RCBTB1: variants seen among roughly 807,000 people sequenced by gnomAD.
RCBTB1 encodes the protein RCC1 and BTB domain-containing protein 1.
RCBTB1 carries 46 observed loss-of-function variants against 62.4 expected under a neutral mutation model. The observed-to-expected ratio is 0.74, with a 90% CI of 0.58 to 0.94. The LOEUF is 0.94. Ranked by LOEUF, RCBTB1 falls within the 40% of genes least tolerant of loss-of-function variation. The probability of loss-of-function intolerance (pLI) is 0.00; values close to 1 mark genes in which losing one functional copy is unlikely to be tolerated. For synonymous variants in RCBTB1, 222 were observed against 245.8 expected (o/e 0.90, Z 0.91); for missense variants, 565 against 654.9 (o/e 0.86, Z 1.50).
At chr13:49,547,256 A>C in intron 9 of RCBTB1, 1 of 1,106,784 alleles carries the variant, frequency 9.0e-7, no homozygotes. Context: ...GTTTCACTTT[A>C]AGGCAAGCTT....
At chr13:49,547,996 C>T (rs1228240902) in intron 9 of RCBTB1, among the ~76,000 whole-genome samples, 1 of 152,088 alleles carries the variant, frequency 6.6e-6, no homozygotes, top group Non-Finnish European at 1.5e-5. Flanking sequence ...CCAGGCTGGT[C>T]TAAAACTCCT....
chr13:49,571,072 C>T (rs1226275433), intron 2 of RCBTB1, among the ~76,000 whole-genome samples: 1 of 152,122 alleles, frequency 6.6e-6, no homozygotes, highest in South Asian at 2.1e-4. Flanking sequence ...CCAGGCCGGG[C>T]GGGGTAGCTC....
intron 5 of RCBTB1, among the ~76,000 whole-genome samples, chr13:49,556,317 A>T (rs941162534): frequency 1.3e-5 from 2 of 151,446 alleles, no homozygotes; most frequent in African/African-American, 4.9e-5. Context: ...CTACCTCCCA[A>T]GTAGCTGGGA....
intron 2 of RCBTB1, among the ~76,000 whole-genome samples, chr13:49,576,391 C>G (rs537414585): frequency 3.5e-4 from 53 of 152,070 alleles, no homozygotes; most frequent in African/African-American, 1.1e-3. Context: ...TTTATCAAGA[C>G]TGCATTAATA....
At position 49,533,945 on chromosome 13, in the gene RCBTB1, C is replaced by T. The variant is rs1164751082; in HGVS notation, c.*177G>A. 5 of 526,406 alleles carry T rather than the reference C, an allele frequency of 9.5e-6. No homozygotes were observed. The highest frequency in any genetic ancestry group is 9.1e-5 in the Admixed American group (3 of 32,846). 32.6% of individuals were successfully genotyped at this position (526,406 alleles called of 1,614,324 possible). On this transcript the variant is annotated 3_prime_UTR_variant, in exon 13 of 13. Transcript: ENST00000378302. ...GGAAACAAGGGTTGTTTAAAATGGG[C>T]TCAAGAAAAGCCGTACACCCTTGTT...
chr13:49,538,819 T>C (rs1454084720), intron 12 of RCBTB1, among the ~76,000 whole-genome samples: 1 of 146,912 alleles, frequency 6.8e-6, no homozygotes, highest in Non-Finnish European at 1.5e-5. Context: ...TTTCTTTTTG[T>C]CTTCTTTCTA....
rs1384445064 is a variant in RCBTB1 at position 49,544,724 on chromosome 13, C to A, written c.1172+13G>T. The A allele has an allele frequency of 5.0e-6, 8 of 1,606,348 alleles. No homozygotes were observed. In the African/African-American group the frequency reaches 5.4e-5, roughly 11 times the overall value. Reference sequence around the variant, plus strand: ...GTCAAGTTATTGATGTCTCTGAGCTCATGCAAAAATACCTGATTTTCAAAA... The same window carrying A: ...GTCAAGTTATTGATGTCTCTGAGCTAATGCAAAAATACCTGATTTTCAAAA... On this transcript the variant is annotated intron_variant, in intron 10 of 12. Coordinates refer to ENST00000378302, the MANE Select transcript of RCBTB1 (RefSeq NM_018191.4).
At chr13:49,546,132 C>A in intron 9 of RCBTB1, 2 of 985,314 alleles carry the variant, frequency 2.0e-6, no homozygotes, top group Non-Finnish European at 2.4e-6. Flanking sequence ...TAGATTGCTA[C>A]CCCCACCCAT....
chr13:49,575,542 T>C (rs1963718693), intron 2 of RCBTB1, among the ~76,000 whole-genome samples: 1 of 151,846 alleles, frequency 6.6e-6, no homozygotes, highest in African/African-American at 2.4e-5. Flanking sequence ...AAAGAAAATG[T>C]GGTATATATA....
rs535249582 is a variant in RCBTB1 at position 49,550,709 on chromosome 13, C to G, written c.854+617G>C. Among the ~76,000 whole-genome samples, 4 of 152,280 alleles carry G rather than the reference C, an allele frequency of 2.6e-5. No individual in the cohort carries two copies. In the East Asian group the frequency reaches 7.7e-4, roughly 29 times the overall value. ...CAACAGCAAGACTGCAGTAATTATA[C>G]CAAGATGCATTCACACCTATCAATC... is the stretch of plus-strand genomic sequence containing the variant. On this transcript the variant is annotated intron_variant, in intron 8 of 12. Coordinates refer to ENST00000378302, the MANE Select transcript of RCBTB1 (RefSeq NM_018191.4).
chr13:49,558,835 G>A (rs976881827), intron 5 of RCBTB1, among the ~76,000 whole-genome samples: 1 of 152,124 alleles, frequency 6.6e-6, no homozygotes, highest in Non-Finnish European at 1.5e-5. Context: ...AGTAGGAGGT[G>A]CCCCTTGTAA....
At chr13:49,563,011 G>A (rs1186974387) in intron 4 of RCBTB1, among the ~76,000 whole-genome samples, 1 of 150,202 alleles carries the variant, frequency 6.7e-6, no homozygotes, top group Non-Finnish European at 1.5e-5. Context: ...CCAGAGTACA[G>A]AATCATGATT....
Position 49,560,077 on chromosome 13 carries a change from C to T in RCBTB1, c.285G>A (p.Val95=). The T allele has an allele frequency of 3.7e-6, 6 of 1,613,330 alleles. No individual in the cohort carries two copies. The highest frequency in any genetic ancestry group is 5.1e-6 in the Non-Finnish European group (6 of 1,179,774). ...PHVLLSTEDG[V]VYAWGHNGYS... is the part of the protein sequence containing the mutation. The stretch of plus-strand genomic sequence containing the variant: ...ATCCATTGTGGCCCCAGGCATAAAC[C>T]ACTCCATCTGTGCACACAAAGCACA... The change falls in exon 5 of 13, where the codon GTG becomes GTA. Residue 95 remains valine, a synonymous_variant. Coordinates refer to ENST00000378302, the MANE Select transcript of RCBTB1 (RefSeq NM_018191.4).
At chr13:49,536,992 C>T (rs1487023641) in intron 12 of RCBTB1, among the ~76,000 whole-genome samples, 3 of 152,096 alleles carry the variant, frequency 2.0e-5, no homozygotes, top group Non-Finnish European at 4.4e-5. Flanking sequence ...AAACAAAACA[C>T]AGAGCATTGA....
chr13:49,578,429 A>G (rs1963913962), intron 2 of RCBTB1, among the ~76,000 whole-genome samples: 1 of 152,240 alleles, frequency 6.6e-6, no homozygotes, highest in African/African-American at 2.4e-5. Flanking sequence ...GCATACATTA[A>G]TTCTTCTTCT....
At chr13:49,546,430 G>C (rs1960792139) in intron 9 of RCBTB1, 1 of 843,884 alleles carries the variant, frequency 1.2e-6, no homozygotes, top group Non-Finnish European at 1.4e-6. Flanking sequence ...TTTTGTGGAA[G>C]ACAATTTTTC....
chr13:49,556,987 T>G (rs921343846), intron 5 of RCBTB1, among the ~76,000 whole-genome samples: 1 of 152,174 alleles, frequency 6.6e-6, no homozygotes, highest in Non-Finnish European at 1.5e-5. Context: ...ACTGGGGCTA[T>G]AGTTCCACTA....
intron 8 of RCBTB1, chr13:49,550,610 CAAAGTA>C (rs899799572): frequency 5.3e-6 from 1 of 188,794 alleles, no homozygotes; most frequent in African/African-American, 2.4e-5. Context: ...TTACTTGGCT[CAAAGTA>C]AAAGTTTATA....
chr13:49,578,427 T>G (rs1025856782), intron 2 of RCBTB1, among the ~76,000 whole-genome samples: 2 of 152,212 alleles, frequency 1.3e-5, no homozygotes, highest in African/African-American at 4.8e-5. Flanking sequence ...TAGCATACAT[T>G]AATTCTTCTT....
Sources: gnomAD v4.1 joint callset for allele counts (sites outside exome capture counted in the v4.1 genomes callset) on GRCh38, gnomAD v4.1.1 for gene constraint, MANE v1.5 for transcripts, NCBI Gene and HGNC (gene_info 2026-07-23, HGNC 2026-07-21) for gene names.